The following WWOX variants were observed in gnomAD, a reference collection of about 807,000 sequenced individuals.
WWOX encodes WW domain containing oxidoreductase.
WWOX carries 69 observed loss-of-function variants against 46.2 expected under a neutral mutation model. The ratio of observed to expected loss-of-function variants is 1.49; its 90% CI spans 1.23 to 1.82. WWOX has a LOEUF of 1.82. Among genes scored for constraint, WWOX ranks in the 40% most tolerant of loss-of-function variants. The probability of loss-of-function intolerance (pLI) is 0.00; values close to 1 mark genes in which losing one functional copy is unlikely to be tolerated. For missense variants in WWOX, 919 were observed against 542.6 expected, an observed-to-expected ratio of 1.69 and a Z score of -6.89; for synonymous variants, 359 against 202.6, an observed-to-expected ratio of 1.77 and a Z score of -6.56.
intron 8 of WWOX, among the ~76,000 whole-genome samples, chr16:78,681,942 T>G (rs1354303304): frequency 6.6e-6 from 1 of 152,184 alleles, no homozygotes; most frequent in Non-Finnish European, 1.5e-5. Flanking sequence ...AGGAGTCTGC[T>G]TTTCTAGCAA....
At chr16:78,919,773 C>G (rs1017369493) in intron 8 of WWOX, among the ~76,000 whole-genome samples, 2 of 152,066 alleles carry the variant, frequency 1.3e-5, no homozygotes, top group Admixed American at 6.5e-5. Flanking sequence ...CCTTGGCCTC[C>G]CAGAGTGCTG....
intron 8 of WWOX, among the ~76,000 whole-genome samples, chr16:78,692,622 A>G (rs1428656246): frequency 6.6e-6 from 1 of 152,218 alleles, no homozygotes; most frequent in Non-Finnish European, 1.5e-5. Context: ...CCCCATGTTT[A>G]TAAAACTTAA....
chr16:79,175,173 T>C (rs1428123953), intron 8 of WWOX, among the ~76,000 whole-genome samples: 1 of 152,246 alleles, frequency 6.6e-6, no homozygotes, highest in Admixed American at 6.5e-5. Context: ...TTAATGGCGC[T>C]AATTTTTAAT....
chr16:78,775,449 T>G (rs1226713547), intron 8 of WWOX, among the ~76,000 whole-genome samples: 1 of 152,122 alleles, frequency 6.6e-6, no homozygotes, highest in Non-Finnish European at 1.5e-5. Context: ...CTCCAAGAAC[T>G]GAGATACCCA....
chr16:78,912,365 C>T (rs750860098), intron 8 of WWOX, among the ~76,000 whole-genome samples: 1 of 151,936 alleles, frequency 6.6e-6, no homozygotes, highest in Non-Finnish European at 1.5e-5. Flanking sequence ...TGACTGTCAT[C>T]TGCATTTTGC....
At chr16:78,884,302 C>CATT (rs1472778127) in intron 8 of WWOX, among the ~76,000 whole-genome samples, 3 of 146,156 alleles carry the variant, frequency 2.1e-5, no homozygotes, top group Admixed American at 6.9e-5. Context: ...AACAAAAGAC[C>CATT]ATTTTTAAGA....
At chr16:78,881,406 A>T (rs1165946071) in intron 8 of WWOX, among the ~76,000 whole-genome samples, 1 of 152,238 alleles carries the variant, frequency 6.6e-6, no homozygotes, top group Non-Finnish European at 1.5e-5. Context: ...CTTCTAGGAA[A>T]CTAATATACA....
intron 8 of WWOX, among the ~76,000 whole-genome samples, chr16:78,972,100 G>C (rs1036796970): frequency 2.0e-5 from 3 of 152,172 alleles, no homozygotes; most frequent in Non-Finnish European, 4.4e-5. Context: ...AGACCTCTCA[G>C]GAAAGAGCAG....
intron 1 of WWOX, among the ~76,000 whole-genome samples, chr16:78,106,670 C>G (rs942265681): frequency 1.3e-5 from 2 of 152,152 alleles, no homozygotes; most frequent in African/African-American, 4.8e-5. Context: ...CCTGCCTTGC[C>G]CTCCTGAAGT....
chr16:78,757,980 C>T (rs80284154), intron 8 of WWOX, among the ~76,000 whole-genome samples: 2 of 152,018 alleles, frequency 1.3e-5, no homozygotes, highest in African/African-American at 2.4e-5. Context: ...ACAACACTGA[C>T]CTTCTATCAG....
chr16:79,210,091 A>T (rs1026028526), intron 8 of WWOX, among the ~76,000 whole-genome samples: 1 of 152,214 alleles, frequency 6.6e-6, no homozygotes, highest in African/African-American at 2.4e-5. Context: ...ATCATCAAGC[A>T]GCCAGTTATT....
intron 6 of WWOX, among the ~76,000 whole-genome samples, chr16:78,413,668 G>T (rs1022264408): frequency 1.3e-5 from 2 of 151,920 alleles, no homozygotes; most frequent in African/African-American, 4.8e-5. Context: ...GGTCACTGGG[G>T]ATATGATGGC....
At chr16:78,676,385 C>T (rs574790704) in intron 8 of WWOX, among the ~76,000 whole-genome samples, 1 of 150,518 alleles carries the variant, frequency 6.6e-6, no homozygotes, top group Non-Finnish European at 1.5e-5. Flanking sequence ...GAGCTATTAA[C>T]AGCCCTCCAT....
rs1271698092 is a variant in WWOX at position 78,508,535 on chromosome 16, C to G, written c.1056+75783C>G. ...CCTGGCCTTGATGTCGGAGTGTTCT[C>G]TAGACCTCACACCCAGTCCCTATTC... On this transcript the variant is annotated intron_variant, in intron 8 of 8. Coordinates refer to ENST00000566780, the MANE Select transcript of WWOX (RefSeq NM_016373.4). Among the ~76,000 whole-genome samples, 4 of 152,128 alleles carry G rather than the reference C, an allele frequency of 2.6e-5. No homozygotes were observed. The East Asian group carries it at 7.7e-4, about 29-fold the overall frequency.
chr16:78,356,121 AGGTT>A (rs66976302), intron 5 of WWOX, among the ~76,000 whole-genome samples: 101,671 of 138,150 alleles, frequency 0.74, 38,889 homozygotes, highest in African/African-American at 0.84. Context: ...CGGGAGGTGG[AGGTT>A]GCAGTGAGCC....
chr16:79,133,861 A>C (rs936524176), intron 8 of WWOX, among the ~76,000 whole-genome samples: 3 of 152,242 alleles, frequency 2.0e-5, no homozygotes, highest in African/African-American at 7.2e-5. Context: ...AAGGCTTGGC[A>C]CAAAAAATGT....
intron 8 of WWOX, among the ~76,000 whole-genome samples, chr16:78,561,196 C>T (rs899749178): frequency 7.9e-5 from 12 of 152,020 alleles, no homozygotes; most frequent in South Asian, 4.2e-4. Flanking sequence ...GACTTTTGGC[C>T]CCCTGCATCT....
At chr16:78,562,457 G>A (rs896570202) in intron 8 of WWOX, among the ~76,000 whole-genome samples, 1 of 152,160 alleles carries the variant, frequency 6.6e-6, no homozygotes, top group African/African-American at 2.4e-5. Flanking sequence ...CCAGAGTTAA[G>A]GGAGGCAAGC....
intron 8 of WWOX, among the ~76,000 whole-genome samples, chr16:79,129,669 C>T (rs903055490): frequency 1.3e-5 from 2 of 152,076 alleles, no homozygotes; most frequent in Non-Finnish European, 2.9e-5. Context: ...CCCAACATTC[C>T]TTTATGGACT....
Sources: gnomAD v4.1 joint callset for allele counts (sites outside exome capture counted in the v4.1 genomes callset) on GRCh38, gnomAD v4.1.1 for gene constraint, MANE v1.5 for transcripts, NCBI Gene and HGNC (gene_info 2026-07-23, HGNC 2026-07-21) for gene names.